Variants in ANKIB1 observed in about 807,000 individuals in gnomAD.
ANKIB1 encodes the protein ankyrin repeat and IBR domain containing 1.
A neutral mutation model predicts 122.1 loss-of-function variants in ANKIB1; 43 were observed. The ratio of observed to expected loss-of-function variants is 0.35; its 90% confidence interval spans 0.28 to 0.45. The LOEUF (loss-of-function observed/expected upper bound fraction) is 0.45. ANKIB1 is among the 20% of genes least tolerant of loss of function. The pLI, the probability that ANKIB1 is intolerant of heterozygous loss-of-function variation, is 1.00. For missense variants in ANKIB1, 992 were observed against 1,329.5 expected (o/e 0.75, Z 3.95); for synonymous variants, 390 against 442.0 (o/e 0.88, Z 1.48).
intron 10 of ANKIB1, among the ~76,000 whole-genome samples, chr7:92,365,910 C>T (rs1352267745): frequency 1.4e-5 from 2 of 139,770 alleles, no homozygotes; most frequent in South Asian, 2.3e-4. Context: ...TGTTCTCCTG[C>T]CCCAGCCTCC....
intron 3 of ANKIB1, among the ~76,000 whole-genome samples, chr7:92,315,111 T>A (rs1802768369): frequency 6.6e-6 from 1 of 152,210 alleles, no homozygotes; most frequent in Non-Finnish European, 1.5e-5. Context: ...ATACCTGCTA[T>A]CACATCTATA....
chr7:92,350,867 A>AT, intron 7 of ANKIB1, 83 bp from the exon 8 acceptor site: 2 of 1,350,864 alleles, frequency 1.5e-6, no homozygotes, highest in Non-Finnish European at 2.0e-6. Context: ...TAAAAAAAAA[A>AT]GGAAAGAAAA....
intron 7 of ANKIB1, among the ~76,000 whole-genome samples, chr7:92,346,528 C>A (rs1273962423): frequency 6.6e-6 from 1 of 152,164 alleles, no homozygotes; most frequent in Non-Finnish European, 1.5e-5. Flanking sequence ...AAGACATAGA[C>A]TAGATTCTAC....
In ANKIB1 at chr7:92,246,418, G is replaced by T. The variant is rs1174061879; in HGVS notation, c.-192G>T. The T allele has an allele frequency of 3.9e-6, 2 of 514,096 alleles. No individual in the cohort carries two copies. Among genetic ancestry groups the T allele is most frequent in the South Asian group, 2.8e-5 (2 of 70,488 alleles). 31.8% of individuals were successfully genotyped at this position (514,096 alleles called of 1,614,324 possible). On this transcript the variant is annotated 5_prime_UTR_variant, in exon 1 of 20. Transcript: ENST00000265742. ...CGTCCGGGTGGGTGGGGCGGGCTGGGTACCTGAGGTCACCAGCTCGGCTGT... is the reference window on the plus strand; with the variant it reads ...CGTCCGGGTGGGTGGGGCGGGCTGGTTACCTGAGGTCACCAGCTCGGCTGT...
chr7:92,397,485 C>T (rs1434478811), intron 18 of ANKIB1, among the ~76,000 whole-genome samples: 1 of 111,502 alleles, frequency 9.0e-6, no homozygotes, highest in Non-Finnish European at 1.9e-5. Flanking sequence ...GACTCCATCT[C>T]AAAAAAAAAA....
chr7:92,328,334 T>C (rs1257737209), intron 5 of ANKIB1, among the ~76,000 whole-genome samples: 1 of 152,218 alleles, frequency 6.6e-6, no homozygotes. Flanking sequence ...TTATTTTATA[T>C]GGTAGCTATT....
At chr7:92,376,436 T>C (rs1221430524) in intron 11 of ANKIB1, among the ~76,000 whole-genome samples, 2 of 149,788 alleles carry the variant, frequency 1.3e-5, no homozygotes, top group Non-Finnish European at 3.0e-5. Context: ...TACCTTGCAC[T>C]TTTTTTTTAT....
intron 9 of ANKIB1, among the ~76,000 whole-genome samples, chr7:92,354,590 CT>C (rs1803745586): frequency 1.3e-5 from 2 of 152,250 alleles, no homozygotes; most frequent in Admixed American, 6.5e-5. Flanking sequence ...TCAGCTTAAT[CT>C]TTTGTCTTTC....
intron 17 of ANKIB1, among the ~76,000 whole-genome samples, chr7:92,394,642 C>T (rs1804849508): frequency 6.6e-6 from 1 of 152,134 alleles, no homozygotes; most frequent in African/African-American, 2.4e-5. Flanking sequence ...AAAATTTTCA[C>T]ACCATCTTTG....
intron 9 of ANKIB1, among the ~76,000 whole-genome samples, chr7:92,360,785 A>T (rs1803924687): frequency 6.6e-6 from 1 of 152,242 alleles, no homozygotes; most frequent in Admixed American, 6.5e-5. Flanking sequence ...TATGAAGTAT[A>T]ATCGATGCAT....
chr7:92,309,942 A>AATATATATATATATATATATAT (rs1162113763), intron 3 of ANKIB1, among the ~76,000 whole-genome samples: 28 of 91,702 alleles, frequency 3.1e-4, no homozygotes, highest in African/African-American at 1.3e-3. Flanking sequence ...AAAAAAAAAA[A>AATATATATATATATATATATAT]ATATATATAT....
At chr7:92,331,268 C>CTT (rs1438187815) in intron 5 of ANKIB1, among the ~76,000 whole-genome samples, 52 of 135,748 alleles carry the variant, frequency 3.8e-4, no homozygotes, top group African/African-American at 1.1e-3. Context: ...AACATCACTT[C>CTT]TTTTTTTTTT....
intron 6 of ANKIB1, among the ~76,000 whole-genome samples, chr7:92,343,615 T>C (rs1336576357): frequency 1.3e-5 from 2 of 152,102 alleles, no homozygotes; most frequent in East Asian, 1.9e-4. Context: ...GTGGATTGCC[T>C]GAGCTCAGGA....
chr7:92,292,225 C>G (rs1157558769), intron 1 of ANKIB1, among the ~76,000 whole-genome samples: 2 of 152,136 alleles, frequency 1.3e-5, no homozygotes, highest in South Asian at 2.1e-4. Context: ...TTAGATGATG[C>G]ATTTCTTAGT....
chr7:92,287,918 C>T (rs1802166600), intron 1 of ANKIB1, among the ~76,000 whole-genome samples: 1 of 151,930 alleles, frequency 6.6e-6, no homozygotes. Flanking sequence ...CGCCTGTAGT[C>T]CCAGCTACTT....
chr7:92,281,847 T>C (rs1391994370), intron 1 of ANKIB1, among the ~76,000 whole-genome samples: 1 of 152,166 alleles, frequency 6.6e-6, no homozygotes, highest in Non-Finnish European at 1.5e-5. Flanking sequence ...AGAAAGGGAA[T>C]TGTTGTCTTT....
At position 92,350,947 on chromosome 7, in the gene ANKIB1, T is replaced by C. The variant is rs576809602; in HGVS notation, c.1086-3T>C. 5 of 1,600,614 alleles carry C rather than the reference T, an allele frequency of 3.1e-6. No individual in the cohort carries two copies. In the South Asian group the frequency reaches 4.6e-5, roughly 15 times the overall value. On this transcript the variant is annotated splice_region_variant and splice_polypyrimidine_tract_variant and intron_variant, in intron 7 of 19. Coordinates refer to ENST00000265742, the MANE Select transcript of ANKIB1 (RefSeq NM_019004.2). ...TTTGATGTGCATTGATCCATTTTAATAGGTTTTTGAATCTGAAAATTCAAG... is the reference window on the plus strand; with the variant it reads ...TTTGATGTGCATTGATCCATTTTAACAGGTTTTTGAATCTGAAAATTCAAG...
intron 1 of ANKIB1, among the ~76,000 whole-genome samples, chr7:92,263,746 A>G (rs1359077498): frequency 6.6e-6 from 1 of 152,204 alleles, no homozygotes; most frequent in Admixed American, 6.5e-5. Flanking sequence ...ACATACATAC[A>G]TACATGTATA....
At chr7:92,332,677 A>T (rs762856204) in intron 5 of ANKIB1, among the ~76,000 whole-genome samples, 1 of 152,080 alleles carries the variant, frequency 6.6e-6, no homozygotes, top group Non-Finnish European at 1.5e-5. Flanking sequence ...ATTATTTTTA[A>T]CTCCTTTGGA....
Sources: allele counts gnomAD v4.1 joint callset (sites outside exome capture counted in the v4.1 genomes callset), GRCh38; gene constraint gnomAD v4.1.1; transcripts MANE v1.5; gene names NCBI Gene and HGNC (gene_info 2026-07-23, HGNC 2026-07-21).